GOLGA4: variants seen among roughly 807,000 people sequenced by gnomAD.
GOLGA4 encodes the protein golgin subfamily A member 4.
GOLGA4 carries 169 observed loss-of-function variants against 265.9 expected under a neutral mutation model. The ratio of observed to expected loss-of-function variants is 0.64; its 90% CI spans 0.56 to 0.72. The LOEUF is 0.72. Among genes scored for constraint, GOLGA4 ranks in the 30% least tolerant of loss-of-function variants. GOLGA4 has a pLI of 0.00. For synonymous variants in GOLGA4, 923 were observed against 855.8 expected (o/e 1.08, Z -1.37); for missense variants, 2,482 against 2,483.4 (o/e 1.00, Z 0.01).
chr3:37,279,907 C>CAA (rs745389415), intron 2 of GOLGA4, among the ~76,000 whole-genome samples: 30 of 135,810 alleles, frequency 2.2e-4, no homozygotes, highest in African/African-American at 6.0e-4. Flanking sequence ...ACTATTGTCT[C>CAA]AAAAAAAAAA....
chr3:37,335,017 T>TTC, intron 16 of GOLGA4, 36 bp from the exon 17 acceptor site: 1 of 1,321,526 alleles, frequency 7.6e-7, no homozygotes, highest in Non-Finnish European at 1.0e-6. Flanking sequence ...TTCTTTTTTT[T>TTC]CTTTTCCTTT....
intron 2 of GOLGA4, among the ~76,000 whole-genome samples, chr3:37,270,252 C>T (rs1173316907): frequency 4.4e-5 from 6 of 136,190 alleles, no homozygotes; most frequent in African/African-American, 8.5e-5. Context: ...GTTGCCCGGG[C>T]TGGAGTGCAG....
intron 7 of GOLGA4, among the ~76,000 whole-genome samples, chr3:37,297,213 C>T (rs116254724): frequency 0.013 from 1,941 of 152,240 alleles, 23 homozygotes; most frequent in African/African-American, 0.036. Context: ...ATAAAATTCC[C>T]GTCTTTTATT....
intron 2 of GOLGA4, among the ~76,000 whole-genome samples, chr3:37,254,137 C>T (rs1337413578): frequency 2.0e-5 from 3 of 152,066 alleles, no homozygotes; most frequent in African/African-American, 7.2e-5. Context: ...GAAATGATGC[C>T]ATTAATACTG....
At chr3:37,340,290 T>G in intron 20 of GOLGA4, 91 bp downstream of exon 20, 1 of 521,978 alleles carries the variant, frequency 1.9e-6, no homozygotes, top group South Asian at 3.7e-5. Flanking sequence ...TAATTTATAT[T>G]TTTTTCTCAT....
At chr3:37,328,899 T>G in intron 15 of GOLGA4, 64 bp from the exon 16 acceptor site, 5 of 1,284,976 alleles carry the variant, frequency 3.9e-6, no homozygotes, top group Non-Finnish European at 5.3e-6. Flanking sequence ...TTACTGAAAT[T>G]GAGATACAAA....
intron 5 of GOLGA4, among the ~76,000 whole-genome samples, chr3:37,290,917 AC>A (rs2096862926): frequency 6.6e-6 from 1 of 152,146 alleles, no homozygotes; most frequent in African/African-American, 2.4e-5. Flanking sequence ...GGCAAATAAT[AC>A]GGCATTTCTA....
chr3:37,251,186 A>G (rs1045884262), intron 1 of GOLGA4, among the ~76,000 whole-genome samples: 1 of 152,156 alleles, frequency 6.6e-6, no homozygotes, highest in Non-Finnish European at 1.5e-5. Flanking sequence ...TCATAGTTCT[A>G]GTTGGTGGCA....
At chr3:37,267,291 T>C (rs2096786379) in intron 2 of GOLGA4, among the ~76,000 whole-genome samples, 1 of 152,224 alleles carries the variant, frequency 6.6e-6, no homozygotes, top group East Asian at 1.9e-4. Context: ...CTACTATTGA[T>C]GGGCGGTTAA....
chr3:37,324,244 T>A lies in GOLGA4; in HGVS notation c.2358T>A (p.Ile786=), dbSNP rs775602113. The A allele has an allele frequency of 1.2e-6, 2 of 1,614,088 alleles. No individual in the cohort carries two copies. The highest frequency in any genetic ancestry group is 2.7e-5 in the African/African-American group (2 of 75,010). Residue 786 remains isoleucine, a synonymous_variant, in exon 14 of 24, where the codon ATT becomes ATA. Transcript: ENST00000361924. The stretch of plus-strand genomic sequence containing the variant: ...ATGTAGAAAATTTAGAGGCAGATAT[T>A]AAAAGGTCTGAAGGGGAACTCCAGC... The part of the protein sequence containing the change: ...QAHVENLEAD[I]KRSEGELQQA...
intron 22 of GOLGA4, among the ~76,000 whole-genome samples, chr3:37,355,498 A>G (rs1418507683): frequency 6.6e-6 from 1 of 152,122 alleles, no homozygotes; most frequent in African/African-American, 2.4e-5. Context: ...TTGTTCTGGT[A>G]TATCCAGTAA....
intron 2 of GOLGA4, among the ~76,000 whole-genome samples, chr3:37,259,453 C>T (rs1302094770): frequency 6.6e-6 from 1 of 152,208 alleles, no homozygotes; most frequent in Non-Finnish European, 1.5e-5. Context: ...TCAAATGAGG[C>T]AAAAACCTTT....
At position 37,324,793 on chromosome 3, in the gene GOLGA4, G is replaced by A. The variant is rs573440046; in HGVS notation, c.2907G>A (p.Thr969=). The A allele has an allele frequency of 1.4e-5, 22 of 1,584,900 alleles. No homozygotes were observed. The highest frequency in any genetic ancestry group is 7.1e-5 in the South Asian group (6 of 84,298). ...VKQKAKEMQE[T]LKKKLLDQEA... ...AGAAAGCAAAGGAGATGCAAGAAAC[G>A]TTAAAGAAAAAATTACTGGATCAGG... Residue 969 remains threonine, a synonymous_variant, in exon 14 of 24, where the codon ACG becomes ACA. Transcript: ENST00000361924.
Position 37,286,001 on chromosome 3 carries a change from G to A in GOLGA4, c.478-13G>A, listed in dbSNP as rs1208148551. ...TTTAGGAATGACTAATGTTGTTGAT[G>A]ACTATATTTTAGCTTGTTACAGCTT... On this transcript the variant is annotated splice_polypyrimidine_tract_variant and intron_variant, in intron 3 of 23. Coordinates refer to ENST00000361924, the MANE Select transcript of GOLGA4 (RefSeq NM_002078.5). 2 of 1,487,128 alleles carry A rather than the reference G, an allele frequency of 1.3e-6. No homozygotes were observed. The highest frequency in any genetic ancestry group is 1.9e-5 in the Admixed American group (1 of 52,778). 92.1% of individuals were successfully genotyped at this position (1,487,128 alleles called of 1,614,324 possible). A position where few individuals can be genotyped will look rare whatever the true frequency, so the allele number is the denominator to read the frequency against.
intron 10 of GOLGA4, 98 bp downstream of exon 10, chr3:37,302,430 T>A: frequency 9.4e-7 from 1 of 1,068,104 alleles, no homozygotes; most frequent in South Asian, 1.6e-5. Flanking sequence ...TTGATAAAAA[T>A]TCTTAACTAT....
chr3:37,268,801 C>T lies in GOLGA4; in HGVS notation c.163-13157C>T, dbSNP rs376541026. Among the ~76,000 whole-genome samples, 45 of 152,256 alleles carry T rather than the reference C, an allele frequency of 3.0e-4. No individual in the cohort carries two copies. In the East Asian group the frequency reaches 3.9e-3, roughly 13 times the overall value. On this transcript the variant is annotated intron_variant, in intron 2 of 23. Transcript: ENST00000361924. ...TGGCCAGGCTGGTCTGGAACTCAGG[C>T]TCAAGTGATCCACCTGCCTCGGCCT...
At chr3:37,258,439 T>A (rs1329525891) in intron 2 of GOLGA4, among the ~76,000 whole-genome samples, 1 of 152,020 alleles carries the variant, frequency 6.6e-6, no homozygotes, top group Non-Finnish European at 1.5e-5. Flanking sequence ...GTGATTCTCC[T>A]GCCTCAGCCT....
intron 13 of GOLGA4, among the ~76,000 whole-genome samples, 194 bp from the exon 14 acceptor site, chr3:37,323,394 G>A (rs2096960818): frequency 6.6e-6 from 1 of 152,096 alleles, no homozygotes; most frequent in African/African-American, 2.4e-5. Flanking sequence ...CTCCCAAACT[G>A]TTGGACTGTG....
At position 37,324,581 on chromosome 3, in the gene GOLGA4, C is replaced by T; in HGVS notation, c.2695C>T (p.Gln899Ter). ...CAAACTTGAAGATGGTAACAAAGAA[C>T]AGGAACAGACAAAGCAAATCTTGGT... Reference protein sequence around the residue: ...ESKLEDGNKEQEQTKQILVEK... With the variant: ...ESKLEDGNKE Residue 899 changes from glutamine (Q) to a stop codon, truncating the protein, a stop_gained, in exon 14 of 24, where the codon CAG becomes TAG. Coordinates refer to ENST00000361924, the MANE Select transcript of GOLGA4 (RefSeq NM_002078.5). LOFTEE classifies it high-confidence loss of function. 6.2e-7 allele frequency: 1 copy of T among 1,613,448 alleles called. No individual in the cohort carries two copies.
Sources: gnomAD v4.1 joint callset for allele counts (sites outside exome capture counted in the v4.1 genomes callset) on GRCh38, gnomAD v4.1.1 for gene constraint, MANE v1.5 for transcripts, NCBI Gene and HGNC (gene_info 2026-07-23, HGNC 2026-07-21) for gene names.